PITPNC1: variants seen among roughly 807,000 people sequenced by gnomAD.
The protein encoded by PITPNC1 is phosphatidylinositol transfer protein cytoplasmic 1, also known as cytoplasmic phosphatidylinositol transfer protein 1.
Under a neutral mutation model 44.7 loss-of-function variants are expected in PITPNC1, and 18 were observed. The observed-to-expected ratio is 0.40, with a 90% CI of 0.28 to 0.60. The LOEUF (loss-of-function observed/expected upper bound fraction) is 0.60, where lower values mean the gene tolerates loss of function less well. Among genes scored for constraint, PITPNC1 ranks in the 20% least tolerant of loss-of-function variants. PITPNC1 has a pLI of 0.39. For synonymous variants in PITPNC1, 141 were observed against 149.6 expected (o/e 0.94, Z 0.42); for missense variants, 290 against 418.4 (o/e 0.69, Z 2.68).
chr17:67,633,564 T>C (rs1295902998), intron 6 of PITPNC1, among the ~76,000 whole-genome samples: 1 of 152,252 alleles, frequency 6.6e-6, no homozygotes, highest in Non-Finnish European at 1.5e-5. Context: ...TTTAACATCA[T>C]CAGCTTTCAT....
intron 1 of PITPNC1, among the ~76,000 whole-genome samples, chr17:67,401,581 C>T (rs1171761933): frequency 1.3e-5 from 2 of 152,228 alleles, no homozygotes; most frequent in South Asian, 4.1e-4. Context: ...TGCGGTGGCT[C>T]ATGCCTGTAA....
chr17:67,693,520 T>C lies in PITPNC1; in HGVS notation c.*632T>C, dbSNP rs377501590. 4 of 152,670 alleles carry C rather than the reference T, an allele frequency of 2.6e-5. No individual in the cohort carries two copies. The East Asian group carries it at 7.7e-4, about 29-fold the overall frequency. The allele number at this position is 152,670 out of a possible 1,614,324, so 9.5% of individuals were successfully genotyped here. Reference sequence around the variant, plus strand: ...GAATTTAATAAAGATTCTACTTGTTTCTGTCTTTTAATAACTTTCCCCTTT... The same window carrying C: ...GAATTTAATAAAGATTCTACTTGTTCCTGTCTTTTAATAACTTTCCCCTTT... On this transcript the variant is annotated 3_prime_UTR_variant, in exon 9 of 9. Coordinates refer to ENST00000581322, the MANE Select transcript of PITPNC1 (RefSeq NM_012417.4).
chr17:67,473,283 C>T (rs780164373), intron 1 of PITPNC1, among the ~76,000 whole-genome samples: 4 of 152,116 alleles, frequency 2.6e-5, no homozygotes, highest in Non-Finnish European at 5.9e-5. Context: ...TGTCTACCCA[C>T]CTCGGCCTCC....
intron 8 of PITPNC1, among the ~76,000 whole-genome samples, chr17:67,679,872 T>C (rs1256460789): frequency 2.0e-5 from 3 of 152,224 alleles, no homozygotes; most frequent in Non-Finnish European, 4.4e-5. Flanking sequence ...TCACAAAGGC[T>C]TGGTTTTGCT....
Position 67,508,905 on chromosome 17 carries a change from T to C in PITPNC1, c.49-23897T>C, listed in dbSNP as rs1248368540. 6.6e-6 allele frequency among the ~76,000 whole-genome samples: 1 copy of C among 152,128 alleles called. No homozygotes were observed. Among genetic ancestry groups the C allele is most frequent in the Middle Eastern group, 3.2e-3 (1 of 316 alleles). Reference sequence around the variant, plus strand: ...GAATACTTAAAAATGGTTAAAATGGTAAATTTCATGTTATGTATGTTTTAC... The same window carrying C: ...GAATACTTAAAAATGGTTAAAATGGCAAATTTCATGTTATGTATGTTTTAC... On this transcript the variant is annotated intron_variant, in intron 1 of 8. Transcript: ENST00000581322. This position sits in a 1 kb window ranked among gnomAD's most constrained non-coding sequence, Gnocchi z 4.2.
intron 8 of PITPNC1, among the ~76,000 whole-genome samples, chr17:67,688,305 T>A (rs1247299383): frequency 1.2e-5 from 1 of 81,290 alleles, no homozygotes; most frequent in Non-Finnish European, 2.4e-5. Context: ...GCCATTGCAC[T>A]CCAGCCTGGG....
At chr17:67,382,597 G>A (rs181223581) in intron 1 of PITPNC1, among the ~76,000 whole-genome samples, 2 of 152,132 alleles carry the variant, frequency 1.3e-5, no homozygotes, top group African/African-American at 4.8e-5. Context: ...TTTGGTAGAC[G>A]TAGATGTAGA....
intron 5 of PITPNC1, among the ~76,000 whole-genome samples, chr17:67,596,839 C>T (rs1018778135): frequency 5.3e-5 from 8 of 152,204 alleles, no homozygotes; most frequent in South Asian, 2.1e-4. Flanking sequence ...GCTCTTCCCC[C>T]TTGCTTTTCT....
intron 1 of PITPNC1, among the ~76,000 whole-genome samples, chr17:67,486,757 C>G (rs1269028702): frequency 2.0e-5 from 3 of 152,104 alleles, no homozygotes; most frequent in South Asian, 2.1e-4. Context: ...TAGGGGCATC[C>G]AGGAAACCTC....
chr17:67,380,141 C>T (rs562843215), intron 1 of PITPNC1, among the ~76,000 whole-genome samples: 2 of 150,170 alleles, frequency 1.3e-5, no homozygotes, highest in South Asian at 2.1e-4. Flanking sequence ...ATGGCGAGAT[C>T]TCGGCTCACT....
chr17:67,550,088 A>G (rs1309214617), intron 2 of PITPNC1, among the ~76,000 whole-genome samples: 2 of 152,206 alleles, frequency 1.3e-5, no homozygotes, highest in Non-Finnish European at 2.9e-5. Flanking sequence ...TGGATGGAAT[A>G]CATCATCAGC....
At chr17:67,591,219 TG>T (rs1189674889) in intron 5 of PITPNC1, among the ~76,000 whole-genome samples, 1 of 152,192 alleles carries the variant, frequency 6.6e-6, no homozygotes, top group Non-Finnish European at 1.5e-5. Context: ...ATAAAATAGC[TG>T]GCCTGTACTC....
chr17:67,663,130 CT>C (rs2042372315), intron 6 of PITPNC1, among the ~76,000 whole-genome samples: 1 of 152,102 alleles, frequency 6.6e-6, no homozygotes, highest in Admixed American at 6.6e-5. Flanking sequence ...GACTTCATTT[CT>C]TCTTATGGCA....
At chr17:67,470,247 A>G (rs2039498723) in intron 1 of PITPNC1, among the ~76,000 whole-genome samples, 1 of 152,168 alleles carries the variant, frequency 6.6e-6, no homozygotes, top group Admixed American at 6.5e-5. Flanking sequence ...CTAACATAGA[A>G]TAGAACTCAC....
Position 67,618,123 on chromosome 17 carries a change from G to C in PITPNC1, c.367-14020G>C, listed in dbSNP as rs561706088. ...TGCTTATAATCCCAGCACTTTGGGA[G>C]ACCAAGGCGGGGGGTGGATCACTTA... On this transcript the variant is annotated intron_variant, in intron 5 of 8. Coordinates refer to ENST00000581322, the MANE Select transcript of PITPNC1 (RefSeq NM_012417.4). Among the ~76,000 whole-genome samples, 28 of 152,234 alleles carry C rather than the reference G, an allele frequency of 1.8e-4. 1 individual carries two copies. The South Asian group carries it at 5.8e-3, about 32-fold the overall frequency.
intron 1 of PITPNC1, among the ~76,000 whole-genome samples, chr17:67,422,088 T>C (rs1199955386): frequency 3.3e-5 from 5 of 152,138 alleles, no homozygotes; most frequent in Admixed American, 6.6e-5. Flanking sequence ...TATGACTCAA[T>C]TGTGACTGTA....
At chr17:67,394,479 A>G (rs1324972762) in intron 1 of PITPNC1, among the ~76,000 whole-genome samples, 1 of 152,236 alleles carries the variant, frequency 6.6e-6, no homozygotes, top group East Asian at 1.9e-4. Flanking sequence ...GATAGTGTTC[A>G]TGACAAACTG....
At chr17:67,479,567 T>G (rs929100987) in intron 1 of PITPNC1, among the ~76,000 whole-genome samples, 2 of 152,204 alleles carry the variant, frequency 1.3e-5, no homozygotes, top group Non-Finnish European at 2.9e-5. Context: ...TCTCAATTAG[T>G]AAGACTTTCT....
intron 1 of PITPNC1, among the ~76,000 whole-genome samples, chr17:67,418,546 G>A (rs1180168039): frequency 5.9e-5 from 9 of 152,086 alleles, no homozygotes; most frequent in Non-Finnish European, 2.9e-5. Flanking sequence ...GAGGATGGGG[G>A]CATATTAGGA....
Sources: allele counts gnomAD v4.1 joint callset (sites outside exome capture counted in the v4.1 genomes callset), GRCh38; gene constraint gnomAD v4.1.1; non-coding constraint Gnocchi (gnomAD v3.1); transcripts MANE v1.5; gene names NCBI Gene and HGNC (gene_info 2026-07-23, HGNC 2026-07-21).